Variants in CSPP1 observed in about 807,000 individuals in gnomAD.
The protein encoded by CSPP1 is centrosome and spindle pole-associated protein 1.
A neutral mutation model predicts 164.4 loss-of-function variants in CSPP1; 126 were observed. The observed-to-expected ratio is 0.77, with a 90% CI of 0.66 to 0.89. The LOEUF (loss-of-function observed/expected upper bound fraction) is 0.89. CSPP1 is among the 40% of genes least tolerant of loss of function. The pLI, the probability that CSPP1 is intolerant of heterozygous loss-of-function variation, is 0.00. For missense variants in CSPP1, 1,395 were observed against 1,449.8 expected (o/e 0.96, Z 0.61); for synonymous variants, 472 against 476.7 (o/e 0.99, Z 0.13).
At chr8:67,118,661 C>T in intron 14 of CSPP1, 82 bp from the exon 15 acceptor site, 1 of 989,716 alleles carries the variant, frequency 1.0e-6, no homozygotes, top group East Asian at 2.6e-5. Flanking sequence ...TGATTATGCA[C>T]CTTTTTCTGG....
rs35184133 is a variant in CSPP1 at position 67,136,568 on chromosome 8, C to CAA, written c.1828-862_1828-861dup. On this transcript the variant is annotated intron_variant, in intron 16 of 30. Transcript: ENST00000678616. ...TGGGTGACAGAGCGAGACTCCGTCT[C>CAA]AAAAAAAAAAAAAAAAAAAAAAAAA... Among the ~76,000 whole-genome samples the CAA allele has an allele frequency of 4.2e-3, 116 of 27,656 alleles. 6 individuals are homozygous for CAA. Among genetic ancestry groups the CAA allele is most frequent in the African/African-American group, 7.9e-3 (89 of 11,224 alleles). 18.1% of individuals were successfully genotyped at this position (27,656 alleles called of 152,430 possible).
intron 29 of CSPP1, among the ~76,000 whole-genome samples, chr8:67,192,500 C>G (rs997094206): frequency 3.9e-5 from 6 of 152,114 alleles, no homozygotes; most frequent in African/African-American, 1.4e-4. Context: ...ATCTTTTTAA[C>G]TTTCTTGATG....
intron 15 of CSPP1, among the ~76,000 whole-genome samples, chr8:67,122,442 T>C (rs905458717): frequency 6.6e-6 from 1 of 152,202 alleles, no homozygotes; most frequent in African/African-American, 2.4e-5. Flanking sequence ...TTCACTTTCA[T>C]TGCTCTCAAA....
At chr8:67,109,042 C>G (rs1314097262) in intron 9 of CSPP1, among the ~76,000 whole-genome samples, 38 of 152,176 alleles carry the variant, frequency 2.5e-4, no homozygotes, top group Admixed American at 2.5e-3. Context: ...TTGAAAATTG[C>G]ATTCAGGCAG....
chr8:67,183,591 C>A (rs1054724173), intron 28 of CSPP1, among the ~76,000 whole-genome samples: 1 of 152,102 alleles, frequency 6.6e-6, no homozygotes, highest in African/African-American at 2.4e-5. Context: ...TTTTAAAATA[C>A]TTTGATCTAA....
intron 3 of CSPP1, among the ~76,000 whole-genome samples, chr8:67,076,814 G>A (rs1208356320): frequency 6.6e-6 from 1 of 152,160 alleles, no homozygotes; most frequent in African/African-American, 2.4e-5. Flanking sequence ...AGAAGAAGGT[G>A]TGTATAACAT....
intron 17 of CSPP1, among the ~76,000 whole-genome samples, chr8:67,140,958 G>A (rs779068185): frequency 3.9e-5 from 6 of 152,144 alleles, no homozygotes; most frequent in Non-Finnish European, 7.3e-5. Flanking sequence ...TGCTTGGGAG[G>A]CTGGGAAGTT....
intron 25 of CSPP1, chr8:67,173,735 T>TA (rs1230199867): frequency 6.6e-6 from 1 of 152,296 alleles, no homozygotes; most frequent in Non-Finnish European, 1.5e-5. Flanking sequence ...TATTATCAAT[T>TA]ACGTATACTG....
chr8:67,108,455 G>A (rs1586162377), intron 9 of CSPP1, among the ~76,000 whole-genome samples: 1 of 151,314 alleles, frequency 6.6e-6, no homozygotes, highest in South Asian at 2.1e-4. Context: ...TTCATGTCTT[G>A]TATATCCTTA....
intron 29 of CSPP1, among the ~76,000 whole-genome samples, chr8:67,191,935 A>G (rs569563124): frequency 1.1e-4 from 17 of 152,178 alleles, no homozygotes; most frequent in Middle Eastern, 6.8e-3. Flanking sequence ...TTAGCCATCT[A>G]TTGAGTGTAA....
chr8:67,126,054 AC>A, intron 15 of CSPP1, among the ~76,000 whole-genome samples: 1 of 151,748 alleles, frequency 6.6e-6, no homozygotes, highest in African/African-American at 2.4e-5. Context: ...CTGGTCTCCA[AC>A]TCCTGACCTC....
At chr8:67,118,100 T>C in intron 13 of CSPP1, 148 bp from the exon 14 acceptor site, 2 of 740,526 alleles carry the variant, frequency 2.7e-6, no homozygotes, top group Non-Finnish European at 4.4e-6. Flanking sequence ...AAGTCATAAT[T>C]TTTGGTGAAT....
At chr8:67,171,899 G>A (rs1830538184) in intron 24 of CSPP1, among the ~76,000 whole-genome samples, 2 of 150,980 alleles carry the variant, frequency 1.3e-5, no homozygotes, top group Non-Finnish European at 1.5e-5. Context: ...CCAGGCCGGA[G>A]TGCAGTGGTG....
At chr8:67,160,692 GAT>G (rs988178967) in intron 21 of CSPP1, among the ~76,000 whole-genome samples, 2 of 150,494 alleles carry the variant, frequency 1.3e-5, no homozygotes, top group Non-Finnish European at 1.5e-5. Flanking sequence ...ATGTATGTCT[GAT>G]ATATATATAT....
chr8:67,072,478 G>A (rs932680567), intron 1 of CSPP1, among the ~76,000 whole-genome samples: 10 of 152,090 alleles, frequency 6.6e-5, no homozygotes, highest in African/African-American at 2.4e-4. Context: ...TAAAAATAAA[G>A]CAAGTTTAAT....
intron 24 of CSPP1, among the ~76,000 whole-genome samples, chr8:67,167,378 A>T (rs796120426): frequency 4.0e-5 from 4 of 100,076 alleles, no homozygotes; most frequent in African/African-American, 1.5e-4. Flanking sequence ...CGGACGGGGC[A>T]GCTGGCCGGG....
intron 16 of CSPP1, among the ~76,000 whole-genome samples, chr8:67,132,503 T>G (rs1821434718): frequency 6.6e-6 from 1 of 152,228 alleles, no homozygotes; most frequent in Admixed American, 6.5e-5. Context: ...AAAGGATTGT[T>G]TGCTTTAAGC....
chr8:67,097,786 A>G lies in CSPP1; in HGVS notation c.923+2054A>G, dbSNP rs560509791. Among the ~76,000 whole-genome samples the G allele has an allele frequency of 3.2e-4, 49 of 152,056 alleles. No homozygotes were observed. The South Asian group carries it at 9.5e-3, about 30-fold the overall frequency. ...TATCATTCTATTTGAGAACTCTCAT[A>G]TCTTCTTATGTATCCCAAAATAAAA... On this transcript the variant is annotated intron_variant, in intron 7 of 30. Coordinates refer to ENST00000678616, the MANE Select transcript of CSPP1 (RefSeq NM_001382391.1).
chr8:67,173,899 T>TA (rs1830997455), intron 25 of CSPP1: 1 of 152,220 alleles, frequency 6.6e-6, no homozygotes, highest in African/African-American at 2.4e-5. Context: ...CTCTCATGTG[T>TA]ATATAGATTG....
Sources: allele counts gnomAD v4.1 joint callset (sites outside exome capture counted in the v4.1 genomes callset), GRCh38; gene constraint gnomAD v4.1.1; transcripts MANE v1.5; gene names NCBI Gene and HGNC (gene_info 2026-07-23, HGNC 2026-07-21).